The following SEZ6 variants were observed in gnomAD, a reference collection of about 807,000 sequenced individuals.
The protein encoded by SEZ6 is seizure related 6 homolog.
Under a neutral mutation model 101.0 loss-of-function variants are expected in SEZ6, and 53 were observed. The ratio of observed to expected loss-of-function variants is 0.52; its 90% CI spans 0.42 to 0.66. The LOEUF is 0.66. Ranked by LOEUF, SEZ6 falls within the 30% of genes least tolerant of loss-of-function variation. The pLI is 0.00. For synonymous variants in SEZ6, 488 were observed against 512.2 expected (o/e 0.95, Z 0.64); for missense variants, 1,102 against 1,289.4 (o/e 0.85, Z 2.23).
At chr17:28,986,617 G>C (rs1475370441) in intron 1 of SEZ6, among the ~76,000 whole-genome samples, 1 of 152,234 alleles carries the variant, frequency 6.6e-6, no homozygotes, top group Admixed American at 6.5e-5. Flanking sequence ...CCCAGCCTGG[G>C]GGAACCGCCG....
At chr17:28,968,361 G>A (rs1217334450) in intron 4 of SEZ6, among the ~76,000 whole-genome samples, 1 of 152,248 alleles carries the variant, frequency 6.6e-6, no homozygotes. Context: ...CTTCCTTGGA[G>A]GTTGCTCCCC....
intron 1 of SEZ6, among the ~76,000 whole-genome samples, chr17:28,995,316 G>T (rs2041521398): frequency 6.6e-6 from 1 of 151,892 alleles, no homozygotes; most frequent in Admixed American, 6.6e-5. Context: ...GAGCATATTT[G>T]TTTGTGTGTC....
intron 1 of SEZ6, among the ~76,000 whole-genome samples, chr17:28,995,134 A>G (rs2041518857): frequency 6.6e-6 from 1 of 151,850 alleles, no homozygotes; most frequent in Non-Finnish European, 1.5e-5. Flanking sequence ...TGGCCTCCCA[A>G]AGTGCTTGGA....
intron 3 of SEZ6, among the ~76,000 whole-genome samples, chr17:28,972,660 G>A (rs1598191994): frequency 1.3e-5 from 2 of 152,362 alleles, no homozygotes; most frequent in East Asian, 1.9e-4. Context: ...TGCAGCAGGC[G>A]GAGGCTGGAT....
chr17:28,979,962 G>T, intron 2 of SEZ6, 149 bp from the exon 3 acceptor site: 1 of 861,166 alleles, frequency 1.2e-6, no homozygotes, highest in Non-Finnish European at 1.6e-6. Context: ...GTCTCCTGTT[G>T]AAGGAAGGGG....
chr17:28,975,282 C>T (rs1489193065), intron 3 of SEZ6, among the ~76,000 whole-genome samples: 1 of 152,232 alleles, frequency 6.6e-6, no homozygotes, highest in Non-Finnish European at 1.5e-5. Flanking sequence ...GAGCCAAGAA[C>T]CTGAGGTGCC....
In SEZ6 at chr17:28,981,713, C is replaced by A. The variant is rs1404681769; in HGVS notation, c.382G>T (p.Ala128Ser). Residue 128 changes from alanine to serine, a missense_variant, in exon 2 of 17, where the codon GCG (alanine) becomes TCG (serine). By Grantham distance (99) the Ala-to-Ser change is moderately conservative. Coordinates refer to ENST00000317338, the MANE Select transcript of SEZ6 (RefSeq NM_178860.5). ...TTGGACTGGGGCTGAGTGGGTACCGCAGCCATGGCTGGAGTGGGGCTGGTA... is the reference window on the plus strand; with the variant it reads ...TTGGACTGGGGCTGAGTGGGTACCGAAGCCATGGCTGGAGTGGGGCTGGTA... Reference protein sequence around the residue: ...VFTSPTPAMAAVPTQPQSKEG... With the variant: ...VFTSPTPAMASVPTQPQSKEG... The A allele has an allele frequency of 6.3e-7, 1 of 1,594,836 alleles. No individual in the cohort carries two copies. Among genetic ancestry groups the A allele is most frequent in the Admixed American group, 1.7e-5 (1 of 59,366 alleles).
intron 1 of SEZ6, among the ~76,000 whole-genome samples, chr17:28,982,998 T>C (rs998287808): frequency 6.6e-6 from 1 of 152,198 alleles, no homozygotes; most frequent in Non-Finnish European, 1.5e-5. Context: ...AGGGGCCCAG[T>C]AGTTTCTCTC....
intron 3 of SEZ6, among the ~76,000 whole-genome samples, chr17:28,975,569 A>C (rs2041209912): frequency 6.6e-6 from 1 of 152,212 alleles, no homozygotes; most frequent in Non-Finnish European, 1.5e-5. Flanking sequence ...TTTAGGGATG[A>C]GGACAGTGGC....
At chr17:28,969,625 G>T in intron 4 of SEZ6, 132 bp downstream of exon 4, 1 of 827,738 alleles carries the variant, frequency 1.2e-6, no homozygotes, top group Non-Finnish European at 1.7e-6. Flanking sequence ...AGCTTCACTG[G>T]ACATTTGTGC....
rs2040950223 is a variant in SEZ6, at chr17:28,959,985, T to C, written c.1577-93A>G. On this transcript the variant is annotated intron_variant, in intron 7 of 16. Coordinates refer to ENST00000317338, the MANE Select transcript of SEZ6 (RefSeq NM_178860.5). This position sits in a 1 kb window ranked among gnomAD's most constrained non-coding sequence, Gnocchi z 4.4. ...CTACTTCCCTCCCCAGAGCCTTTCTTTTCCTGGGTACGAATGACAAATATA... is the reference window on the plus strand; with the variant it reads ...CTACTTCCCTCCCCAGAGCCTTTCTCTTCCTGGGTACGAATGACAAATATA... 3 of 1,359,474 alleles carry C rather than the reference T, an allele frequency of 2.2e-6. No homozygotes were observed. The highest frequency in any genetic ancestry group is 3.0e-6 in the Non-Finnish European group (3 of 996,356). 84.2% of individuals were successfully genotyped at this position (1,359,474 alleles called of 1,614,324 possible).
chr17:28,963,392 C>T (rs892666603), intron 5 of SEZ6, among the ~76,000 whole-genome samples: 1 of 152,124 alleles, frequency 6.6e-6, no homozygotes, highest in African/African-American at 2.4e-5. Flanking sequence ...AAGGCCCTCC[C>T]TTCTCATAAG....
chr17:28,969,633 T>C (rs1466663920), intron 4 of SEZ6, 124 bp downstream of exon 4: 2 of 883,298 alleles, frequency 2.3e-6, no homozygotes, highest in Non-Finnish European at 1.6e-6. Flanking sequence ...TGGACATTTG[T>C]GCTATGTGTC....
At chr17:28,965,481 A>C (rs2041050666) in intron 4 of SEZ6, among the ~76,000 whole-genome samples, 1 of 152,026 alleles carries the variant, frequency 6.6e-6, no homozygotes, top group South Asian at 2.1e-4. Flanking sequence ...CTCTGTAAAA[A>C]ATTTTTAAAA....
At chr17:28,957,795 A>C in intron 11 of SEZ6, 152 bp downstream of exon 11, 2 of 965,038 alleles carry the variant, frequency 2.1e-6, no homozygotes, top group Non-Finnish European at 3.1e-6. Flanking sequence ...GAAAAGTATC[A>C]TCCCCATTTC....
In SEZ6 at chr17:28,981,591, T is replaced by C. The variant is rs1482915213; in HGVS notation, c.504A>G (p.Pro168=). Residue 168 remains proline (P), a synonymous_variant, in exon 2 of 17, where the codon CCA becomes CCG. Coordinates refer to ENST00000317338, the MANE Select transcript of SEZ6 (RefSeq NM_178860.5). ...GGGGTGTAGTGCTGGCTATCTCCCC[T>C]GGGCCTAGGGTGGGCACTGCCATGC... ...GPSMAVPTLG[P]GEIASTTPPS... The C allele has an allele frequency of 6.2e-7, 1 of 1,607,252 alleles. No individual in the cohort carries two copies. Among genetic ancestry groups the C allele is most frequent in the African/African-American group, 1.3e-5 (1 of 74,802 alleles).
chr17:28,992,097 C>G (rs182248238), intron 1 of SEZ6, among the ~76,000 whole-genome samples: 1 of 152,352 alleles, frequency 6.6e-6, no homozygotes, highest in Non-Finnish European at 1.5e-5. Flanking sequence ...AGGAGAGGCA[C>G]TCACATTTAC....
chr17:28,990,144 C>T (rs2041436965), intron 1 of SEZ6, among the ~76,000 whole-genome samples: 1 of 152,182 alleles, frequency 6.6e-6, no homozygotes, highest in Non-Finnish European at 1.5e-5. Context: ...CTGAATTCTG[C>T]TGAGATGTAG....
chr17:28,964,779 C>T (rs2041038069), intron 4 of SEZ6, among the ~76,000 whole-genome samples: 2 of 152,148 alleles, frequency 1.3e-5, no homozygotes, highest in East Asian at 1.9e-4. Flanking sequence ...GAATGGTGGC[C>T]GGGCCGGTGT....
Sources: allele counts gnomAD v4.1 joint callset (sites outside exome capture counted in the v4.1 genomes callset), GRCh38; gene constraint gnomAD v4.1.1; non-coding constraint Gnocchi (gnomAD v3.1); transcripts MANE v1.5; gene names NCBI Gene and HGNC (gene_info 2026-07-23, HGNC 2026-07-21).